Variants in CCDC125 observed in about 807,000 individuals in gnomAD.
CCDC125 encodes the protein coiled-coil domain-containing protein 125.
Under a neutral mutation model 57.4 loss-of-function variants are expected in CCDC125, and 43 were observed. The observed-to-expected ratio is 0.75, with a 90% CI of 0.59 to 0.97. CCDC125 has a LOEUF of 0.97. CCDC125 is among the 50% of genes least tolerant of loss of function. The pLI is 0.00. For synonymous variants in CCDC125, 187 were observed against 195.2 expected (o/e 0.96, Z 0.35); for missense variants, 563 against 595.7 (o/e 0.95, Z 0.57).
chr5:69,292,905 A>G (rs373541272), intron 9 of CCDC125, among the ~76,000 whole-genome samples: 7 of 144,690 alleles, frequency 4.8e-5, no homozygotes, highest in African/African-American at 1.8e-4. Context: ...CAGTGTCGTG[A>G]TCTCGGCTCA....
chr5:69,278,088 G>C (rs1752293825), downstream of CCDC125, among the ~76,000 whole-genome samples: 1 of 152,138 alleles, frequency 6.6e-6, no homozygotes, highest in Non-Finnish European at 1.5e-5. Flanking sequence ...CACCATGTTG[G>C]CCAGGCTGGC....
At position 69,281,415 on chromosome 5, in the gene CCDC125, T is replaced by TG. The variant is rs1752469087; in HGVS notation, c.*1313_*1314insC. The TG allele has an allele frequency of 6.6e-6, 1 of 152,148 alleles. No individual in the cohort carries two copies. The highest frequency in any genetic ancestry group is 2.4e-5 in the African/African-American group (1 of 41,412). 9.4% of individuals were successfully genotyped at this position (152,148 alleles called of 1,614,324 possible). On this transcript the variant is annotated 3_prime_UTR_variant, in exon 12 of 12. Coordinates refer to ENST00000396496, the MANE Select transcript of CCDC125 (RefSeq NM_176816.5). Reference sequence around the variant, plus strand: ...AATCACCTTGGCTCAGGCAGCTTCTTCAGATTCCTGAGACCCCATTTCCTG... The same window carrying TG: ...AATCACCTTGGCTCAGGCAGCTTCTTGCAGATTCCTGAGACCCCATTTCCTG...
chr5:69,279,228 T>C (rs533357352), downstream of CCDC125, among the ~76,000 whole-genome samples: 7 of 148,166 alleles, frequency 4.7e-5, no homozygotes, highest in South Asian at 1.5e-3. Flanking sequence ...GATGGAGTCT[T>C]GCTCTGTCGC....
chr5:69,305,801 C>T (rs948247231), intron 6 of CCDC125, among the ~76,000 whole-genome samples: 1 of 152,130 alleles, frequency 6.6e-6, no homozygotes, highest in African/African-American at 2.4e-5. Flanking sequence ...GCTCAGGACC[C>T]TTGTTCACTG....
intron 1 of CCDC125, among the ~76,000 whole-genome samples, chr5:69,330,370 C>T (rs1455331437): frequency 2.0e-5 from 3 of 151,858 alleles, no homozygotes; most frequent in East Asian, 1.9e-4. Context: ...CTGAGGCGGG[C>T]GGATCATGAG....
At chr5:69,295,456 T>C (rs1156995189) in intron 8 of CCDC125, among the ~76,000 whole-genome samples, 1 of 152,212 alleles carries the variant, frequency 6.6e-6, no homozygotes, top group African/African-American at 2.4e-5. Flanking sequence ...TCCAAACTTA[T>C]GCCAAGGGTG....
In CCDC125 at chr5:69,281,897, T is replaced by TG. The variant is rs66505015; in HGVS notation, c.*831_*832insC. On this transcript the variant is annotated 3_prime_UTR_variant, in exon 12 of 12. Transcript: ENST00000396496. ...GTTGGCAAACACTGTAATGTGTTTT[T>TG]TTTTTTTTTTGAGACAGAGTTTCGC... 1 of 80,240 alleles carries TG rather than the reference T, an allele frequency of 1.2e-5. No individual in the cohort carries two copies. Among genetic ancestry groups the TG allele is most frequent in the Admixed American group, 1.3e-4 (1 of 7,588 alleles). 5.0% of individuals were successfully genotyped at this position (80,240 alleles called of 1,614,324 possible).
downstream of CCDC125, among the ~76,000 whole-genome samples, chr5:69,279,479 A>G (rs1752367556): frequency 6.6e-6 from 1 of 152,198 alleles, no homozygotes. Context: ...TACAGGCGTG[A>G]GCCACCGTGC....
chr5:69,300,661 A>T (rs776525235), intron 7 of CCDC125, among the ~76,000 whole-genome samples: 4 of 151,976 alleles, frequency 2.6e-5, no homozygotes, highest in Non-Finnish European at 4.4e-5. Flanking sequence ...GAAGGGGAGG[A>T]CTTATGATCA....
intron 9 of CCDC125, among the ~76,000 whole-genome samples, 173 bp downstream of exon 9, chr5:69,294,610 TTGTATTTTGG>T (rs1282790796): frequency 2.0e-5 from 3 of 152,224 alleles, no homozygotes. Flanking sequence ...CTATTAATAT[TTGTATTTTGG>T]AACCAGGTAA....
intron 1 of CCDC125, among the ~76,000 whole-genome samples, chr5:69,321,197 A>G (rs1387021291): frequency 1.3e-5 from 2 of 152,224 alleles, no homozygotes; most frequent in East Asian, 1.9e-4. Flanking sequence ...CACAAAAATG[A>G]TAAGTATTTG....
At chr5:69,302,296 C>G (rs989947482) in intron 7 of CCDC125, among the ~76,000 whole-genome samples, 1 of 150,780 alleles carries the variant, frequency 6.6e-6, no homozygotes, top group Non-Finnish European at 1.5e-5. Context: ...GTGGCAGGCA[C>G]CTGTAGTCCC....
At position 69,320,392 on chromosome 5, in the gene CCDC125, T is replaced by C. The variant is rs760844801; in HGVS notation, c.149A>G (p.Lys50Arg). The C allele has an allele frequency of 3.7e-6, 6 of 1,614,180 alleles. No homozygotes were observed. The South Asian group carries it at 5.5e-5, about 15-fold the overall frequency. ...YEIEFSHRSR[K>R]RSDGKNFSPP... ...GCTAAAGTTCTTTCCATCTGATCTTTTTCTAGACCTATGTGAAAATTCTAT... is the reference window on the plus strand; with the variant it reads ...GCTAAAGTTCTTTCCATCTGATCTTCTTCTAGACCTATGTGAAAATTCTAT... Residue 50 changes from lysine (K) to arginine (R), a missense_variant, in exon 2 of 12, where the codon AAA becomes AGA. Physicochemically the swap from Lys to Arg is conservative, Grantham distance 26. Transcript: ENST00000396496.
At chr5:69,299,111 CTTTTT>C (rs11451510) in intron 8 of CCDC125, among the ~76,000 whole-genome samples, 1 of 129,466 alleles carries the variant, frequency 7.7e-6, no homozygotes, top group Non-Finnish European at 1.7e-5. Context: ...TTCTTTCTTT[CTTTTT>C]TTTTTTTTTT....
Position 69,314,043 on chromosome 5 carries a change from T to G in CCDC125, c.308A>C (p.Asp103Ala), listed in dbSNP as rs1194362170. ...TTCATTTGACAATTCTGAATTCGAA[T>G]CTACTTGGGAGGGAGGAGAAAAGAA... The part of the protein sequence containing the change: ...SNYRRQSSTV[D>A]SNSELSNEEL... Residue 103 changes from aspartate to alanine, a missense_variant, in exon 3 of 12, where the codon GAT becomes GCT. By Grantham distance (126) the Asp-to-Ala change is moderately radical. Transcript: ENST00000396496. 7 of 1,607,448 alleles carry G rather than the reference T, an allele frequency of 4.4e-6. No individual in the cohort carries two copies. Among genetic ancestry groups the G allele is most frequent in the Non-Finnish European group, 6.0e-6 (7 of 1,173,930 alleles).
chr5:69,275,536 T>C (rs945893876), downstream of CCDC125, among the ~76,000 whole-genome samples: 11 of 152,244 alleles, frequency 7.2e-5, no homozygotes, highest in East Asian at 1.2e-3. Flanking sequence ...AATCCAAATA[T>C]CCGAAATCTG....
At chr5:69,327,781 C>T (rs1271319269) in intron 1 of CCDC125, among the ~76,000 whole-genome samples, 1 of 152,156 alleles carries the variant, frequency 6.6e-6, no homozygotes, top group African/African-American at 2.4e-5. Flanking sequence ...AATTTGAATA[C>T]TATTTTCTTC....
Position 69,320,339 on chromosome 5 carries a change from C to A in CCDC125, c.202G>T (p.Glu68Ter). 6.2e-7 allele frequency: 1 copy of A among 1,614,088 alleles called. No individual in the cohort carries two copies. Among genetic ancestry groups the A allele is most frequent in the African/African-American group, 1.3e-5 (1 of 75,024 alleles). ...TACTGAAAACTCGCTTCATTTCTTT[C>A]TTCTCCCTTTCTCGGAAATGGAGGA... ...SPPPFPRKGE[E>*]RNEASFQYSK... The change falls in exon 2 of 12, where the codon GAA becomes TAA. Residue 68 changes from glutamate to a stop codon, truncating the protein, a stop_gained. Coordinates refer to ENST00000396496, the MANE Select transcript of CCDC125 (RefSeq NM_176816.5). LOFTEE classifies it high-confidence loss of function.
intron 10 of CCDC125, among the ~76,000 whole-genome samples, chr5:69,291,690 C>T (rs1420397849): frequency 6.6e-6 from 1 of 152,122 alleles, no homozygotes; most frequent in Non-Finnish European, 1.5e-5. Context: ...TGAACCAAAA[C>T]CTAAACCTAA....
Sources: gnomAD v4.1 joint callset for allele counts (sites outside exome capture counted in the v4.1 genomes callset) on GRCh38, gnomAD v4.1.1 for gene constraint, MANE v1.5 for transcripts, NCBI Gene and HGNC (gene_info 2026-07-23, HGNC 2026-07-21) for gene names.